Variants in INSYN2B observed in about 807,000 individuals in gnomAD.
INSYN2B encodes the protein inhibitory synaptic factor family member 2B.
A neutral mutation model predicts 41.2 loss-of-function variants in INSYN2B; 16 were observed. That is an observed-to-expected ratio of 0.39 (90% CI 0.26 to 0.59). The LOEUF is 0.59. INSYN2B is among the 20% of genes least tolerant of loss of function. INSYN2B has a pLI of 0.57. For missense variants in INSYN2B, 608 were observed against 646.4 expected (o/e 0.94, Z 0.64); for synonymous variants, 245 against 244.4 (o/e 1.00, Z -0.02).
At position 169,882,625 on chromosome 5, in the gene INSYN2B, G is replaced by C. The variant is rs979354875; in HGVS notation, c.1274C>G (p.Ser425Trp). 4 of 1,551,816 alleles carry C rather than the reference G, an allele frequency of 2.6e-6. No individual in the cohort carries two copies. Among genetic ancestry groups the C allele is most frequent in the Non-Finnish European group, 2.6e-6 (3 of 1,146,928 alleles). The change falls in exon 2 of 4, where the codon TCG (serine) becomes TGG (tryptophan). Residue 425 changes from serine to tryptophan, a missense_variant. Coordinates refer to ENST00000377365, the MANE Select transcript of INSYN2B (RefSeq NM_001129891.3). ...RLQSVEESLHSNQEKIKVLLN... is the reference protein window; with the variant it reads ...RLQSVEESLHWNQEKIKVLLN... Reference sequence around the variant, plus strand: ...AAGGACTTTAATTTTCTCTTGGTTCGAGTGCAGAGATTCCTCCACAGATTG... The same window carrying C: ...AAGGACTTTAATTTTCTCTTGGTTCCAGTGCAGAGATTCCTCCACAGATTG...
chr5:169,876,518 A>C (rs1387704328), intron 3 of INSYN2B, among the ~76,000 whole-genome samples: 1 of 152,242 alleles, frequency 6.6e-6, no homozygotes, highest in Non-Finnish European at 1.5e-5. Flanking sequence ...CAGTCAGGAC[A>C]GAAGTCCTGG....
chr5:169,980,380 C>A lies in INSYN2B; in HGVS notation c.-1022G>T, dbSNP rs892389986. ...TACTCCAAAAGAAGGAATAATAAGT[C>A]CTTCATATTGTAATTTTCACTGTTT... On this transcript the variant is annotated 5_prime_UTR_variant, in exon 1 of 4. Transcript: ENST00000377365. 4 of 152,120 alleles carry A rather than the reference C, an allele frequency of 2.6e-5. No individual in the cohort carries two copies. Among genetic ancestry groups the A allele is most frequent in the Non-Finnish European group, 5.9e-5 (4 of 68,030 alleles). 9.4% of individuals were successfully genotyped at this position (152,120 alleles called of 1,614,324 possible). A position where few individuals can be genotyped will look rare whatever the true frequency, so the allele number is the denominator to read the frequency against.
chr5:169,940,944 ATGCCGATAG>A (rs1379207633), intron 1 of INSYN2B, among the ~76,000 whole-genome samples: 1 of 152,184 alleles, frequency 6.6e-6, no homozygotes, highest in African/African-American at 2.4e-5. Flanking sequence ...GTCTAATAGA[ATGCCGATAG>A]TGCCATGGCT....
rs1038716324 is a variant in INSYN2B at position 169,978,839 on chromosome 5, C to T, written c.-919+1438G>A. Among the ~76,000 whole-genome samples the T allele has an allele frequency of 2.6e-5, 4 of 152,310 alleles. No individual in the cohort carries two copies. In the East Asian group the frequency reaches 7.7e-4, roughly 29 times the overall value. On this transcript the variant is annotated intron_variant, in intron 1 of 3. Coordinates refer to ENST00000377365, the MANE Select transcript of INSYN2B (RefSeq NM_001129891.3). ...CCTGCGATGATTGCACTTATTTTTA[C>T]ACGTTTGACCTAGTTTCAAACCGTG...
At chr5:169,902,511 T>G (rs1773984659) in intron 1 of INSYN2B, among the ~76,000 whole-genome samples, 1 of 152,130 alleles carries the variant, frequency 6.6e-6, no homozygotes, top group Non-Finnish European at 1.5e-5. Flanking sequence ...TAAGGTCAAG[T>G]AGAGTGGTTT....
chr5:169,873,558 G>A (rs1772118412), intron 3 of INSYN2B, among the ~76,000 whole-genome samples: 2 of 152,210 alleles, frequency 1.3e-5, no homozygotes, highest in Admixed American at 6.5e-5. Context: ...GCTGGCCAGA[G>A]GGAGGACTGT....
intron 1 of INSYN2B, among the ~76,000 whole-genome samples, chr5:169,958,435 G>T (rs1776953108): frequency 6.6e-6 from 1 of 152,158 alleles, no homozygotes; most frequent in Non-Finnish European, 1.5e-5. Flanking sequence ...AGGGCTGATG[G>T]TTTAGAATGT....
intron 1 of INSYN2B, among the ~76,000 whole-genome samples, chr5:169,912,687 G>T (rs1203072097): frequency 1.3e-5 from 2 of 152,074 alleles, no homozygotes; most frequent in East Asian, 1.9e-4. Context: ...TACCCATAAT[G>T]TATGAAGGTA....
rs965947853 is a variant in INSYN2B at position 169,872,783 on chromosome 5, C to G, written c.1422-8324G>C. 2.0e-4 allele frequency among the ~76,000 whole-genome samples: 31 copies of G among 152,182 alleles called. 1 individual carries two copies. The highest frequency in any genetic ancestry group is 3.5e-4 in the Non-Finnish European group (24 of 68,032). The stretch of plus-strand genomic sequence containing the variant: ...CAGGAAAGTCTTCTGAAAGTAGGAC[C>G]TAGTTTTGAGCCCTGGCTCCCTGGG... On this transcript the variant is annotated intron_variant, in intron 3 of 3. Coordinates refer to ENST00000377365, the MANE Select transcript of INSYN2B (RefSeq NM_001129891.3).
intron 1 of INSYN2B, among the ~76,000 whole-genome samples, chr5:169,977,336 GTCA>G: frequency 6.6e-6 from 1 of 152,210 alleles, no homozygotes. Context: ...GGTAGGCGGA[GTCA>G]TCATTTCCTC....
intron 1 of INSYN2B, among the ~76,000 whole-genome samples, chr5:169,921,251 G>A (rs998290947): frequency 1.5e-4 from 23 of 152,064 alleles, no homozygotes; most frequent in African/African-American, 5.3e-4. Flanking sequence ...GTAAGATTTT[G>A]GATTAGAATA....
intron 1 of INSYN2B, among the ~76,000 whole-genome samples, chr5:169,926,786 T>A (rs1449622165): frequency 6.6e-6 from 1 of 152,232 alleles, no homozygotes; most frequent in Non-Finnish European, 1.5e-5. Flanking sequence ...AACTAGTTAC[T>A]TATTGAGCTT....
intron 1 of INSYN2B, among the ~76,000 whole-genome samples, chr5:169,920,322 A>C (rs932883421): frequency 2.0e-5 from 3 of 152,222 alleles, no homozygotes; most frequent in Non-Finnish European, 4.4e-5. Flanking sequence ...AATTATATGC[A>C]ATTAGAAGTG....
chr5:169,953,858 C>G (rs1199189241), intron 1 of INSYN2B, among the ~76,000 whole-genome samples: 1 of 152,166 alleles, frequency 6.6e-6, no homozygotes, highest in Non-Finnish European at 1.5e-5. Flanking sequence ...TCTAGCTGTG[C>G]CACTTACTTG....
At chr5:169,880,803 T>A (rs1446292513) in intron 3 of INSYN2B, among the ~76,000 whole-genome samples, 1 of 152,200 alleles carries the variant, frequency 6.6e-6, no homozygotes, top group East Asian at 1.9e-4. Context: ...ACACTGTATA[T>A]CATGTTTCCC....
chr5:169,968,317 CT>C (rs1317460178), intron 1 of INSYN2B, among the ~76,000 whole-genome samples: 2 of 152,074 alleles, frequency 1.3e-5, no homozygotes, highest in Non-Finnish European at 2.9e-5. Context: ...CGAGGCAGTC[CT>C]TTTAACCTCT....
intron 1 of INSYN2B, among the ~76,000 whole-genome samples, chr5:169,904,183 A>G (rs1774140116): frequency 6.6e-6 from 1 of 151,924 alleles, no homozygotes; most frequent in East Asian, 1.9e-4. Context: ...GGGTAAAAGC[A>G]GCATACTGAC....
chr5:169,882,714 C>T lies in INSYN2B; in HGVS notation c.1185G>A (p.Glu395=), dbSNP rs1372871129. 11 of 1,552,034 alleles carry T rather than the reference C, an allele frequency of 7.1e-6. No individual in the cohort carries two copies. The highest frequency in any genetic ancestry group is 1.2e-5 in the South Asian group (1 of 84,062). The change falls in exon 2 of 4, where the codon GAG becomes GAA. Residue 395 remains glutamate (E), a synonymous_variant. Coordinates refer to ENST00000377365, the MANE Select transcript of INSYN2B (RefSeq NM_001129891.3). ...GGTGAATTTGATTAATGTCACTAAT[C>T]TCCCTGTTGCTCTGAAGTTTGGTCT... ...RSETKLQSNR[E]ISDINQIHLA...
chr5:169,886,333 G>A (rs1249591881), intron 1 of INSYN2B, among the ~76,000 whole-genome samples: 5 of 152,124 alleles, frequency 3.3e-5, no homozygotes, highest in Non-Finnish European at 7.4e-5. Context: ...GTCCCGAGTT[G>A]CTTTACATAA....
Sources: gnomAD v4.1 joint callset for allele counts (sites outside exome capture counted in the v4.1 genomes callset) on GRCh38, gnomAD v4.1.1 for gene constraint, MANE v1.5 for transcripts, NCBI Gene and HGNC (gene_info 2026-07-23, HGNC 2026-07-21) for gene names.